The following ATF2 variants were observed in gnomAD, a reference collection of about 807,000 sequenced individuals.
The protein encoded by ATF2 is activating transcription factor 2, also known as cyclic AMP-dependent transcription factor ATF-2.
ATF2 carries 24 observed loss-of-function variants against 60.6 expected under a neutral mutation model. That is an observed-to-expected ratio of 0.40 (90% CI 0.29 to 0.56). ATF2 has a LOEUF of 0.56. Among genes scored for constraint, ATF2 ranks in the 20% least tolerant of loss-of-function variants. The pLI is 0.54. For synonymous variants in ATF2, 206 were observed against 215.4 expected, an observed-to-expected ratio of 0.96 and a Z score of 0.38; for missense variants, 433 against 607.7, an observed-to-expected ratio of 0.71 and a Z score of 3.02.
At chr2:175,104,324 T>C (rs1695497063) in intron 10 of ATF2, among the ~76,000 whole-genome samples, 2 of 152,158 alleles carry the variant, frequency 1.3e-5, no homozygotes, top group Admixed American at 6.5e-5. Flanking sequence ...ATTGTGATCA[T>C]AAAGGTCTAA....
At chr2:175,087,812 A>G (rs1694271224) in intron 12 of ATF2, among the ~76,000 whole-genome samples, 1 of 152,198 alleles carries the variant, frequency 6.6e-6, no homozygotes, top group African/African-American at 2.4e-5. Context: ...TTTAACAGAA[A>G]AAAAGACAAG....
chr2:175,147,696 C>T lies in ATF2; in HGVS notation c.-44+3364G>A, dbSNP rs138884558. Among the ~76,000 whole-genome samples, 1,290 of 152,168 alleles carry T rather than the reference C, an allele frequency of 8.5e-3. 9 individuals carry two copies. Among genetic ancestry groups the T allele is most frequent in the Non-Finnish European group, 0.013 (898 of 67,988 alleles). ...TGTTACCATGGTTTTTATGAAAATACATAAACATTTTTTTAAAAAGAATAA... is the reference window on the plus strand; with the variant it reads ...TGTTACCATGGTTTTTATGAAAATATATAAACATTTTTTTAAAAAGAATAA... On this transcript the variant is annotated intron_variant, in intron 2 of 13. Coordinates refer to ENST00000264110, the MANE Select transcript of ATF2 (RefSeq NM_001880.4).
Position 175,127,477 on chromosome 2 carries a change from C to T in ATF2, c.102+2661G>A, listed in dbSNP as rs10188572. On this transcript the variant is annotated intron_variant, in intron 4 of 13. Coordinates refer to ENST00000264110, the MANE Select transcript of ATF2 (RefSeq NM_001880.4). Reference sequence around the variant, plus strand: ...TAATTCAAACCACCATCATCTCTCACCTGGACTGCTGTCAGCCTCTTGTCT... The same window carrying T: ...TAATTCAAACCACCATCATCTCTCATCTGGACTGCTGTCAGCCTCTTGTCT... 1.3e-3 allele frequency among the ~76,000 whole-genome samples: 192 copies of T among 152,292 alleles called. 2 individuals carry two copies. The highest frequency in any genetic ancestry group is 4.0e-3 in the African/African-American group (165 of 41,566).
At chr2:175,082,131 A>T (rs920624635) in intron 12 of ATF2, among the ~76,000 whole-genome samples, 1 of 152,200 alleles carries the variant, frequency 6.6e-6, no homozygotes, top group African/African-American at 2.4e-5. Flanking sequence ...TAAAAATTAA[A>T]TAATAAAAGT....
intron 10 of ATF2, among the ~76,000 whole-genome samples, chr2:175,109,058 T>C (rs1037857921): frequency 6.7e-6 from 1 of 149,946 alleles, no homozygotes; most frequent in Admixed American, 6.8e-5. Flanking sequence ...GTCCTCTGCA[T>C]AGGAAAACCA....
chr2:175,088,594 G>C (rs971548440), intron 12 of ATF2, among the ~76,000 whole-genome samples: 6 of 151,572 alleles, frequency 4.0e-5, no homozygotes, highest in Admixed American at 6.6e-5. Flanking sequence ...GCCATTAAAA[G>C]TATGTTTTGC....
chr2:175,109,547 A>G (rs1183244075), intron 10 of ATF2, among the ~76,000 whole-genome samples: 4 of 152,242 alleles, frequency 2.6e-5, no homozygotes, highest in Non-Finnish European at 5.9e-5. Context: ...AAAGTTTAAC[A>G]GTTTCTAAAA....
chr2:175,114,591 A>C, intron 8 of ATF2, 99 bp downstream of exon 8: 1 of 1,515,572 alleles, frequency 6.6e-7, no homozygotes. Context: ...CACATACAAA[A>C]CTAAGATCTT....
chr2:175,080,191 C>T (rs1032669746), intron 13 of ATF2: 1 of 152,228 alleles, frequency 6.6e-6, no homozygotes, highest in Middle Eastern at 3.4e-3. Context: ...AAAAACGTTA[C>T]ACAATGCTGA....
At chr2:175,161,019 C>T (rs1699996537) in intron 1 of ATF2, among the ~76,000 whole-genome samples, 1 of 152,096 alleles carries the variant, frequency 6.6e-6, no homozygotes, top group South Asian at 2.1e-4. Context: ...ACCTGCATGA[C>T]AGAGTAAGAC....
At chr2:175,141,051 A>G (rs1301282936) in intron 2 of ATF2, among the ~76,000 whole-genome samples, 3 of 123,672 alleles carry the variant, frequency 2.4e-5, no homozygotes, top group Admixed American at 8.7e-5. Context: ...ATATATATAT[A>G]TGTATATATA....
intron 10 of ATF2, among the ~76,000 whole-genome samples, chr2:175,103,648 A>T (rs1695453405): frequency 6.6e-6 from 1 of 151,754 alleles, no homozygotes. Context: ...CACTGTGTGC[A>T]AAGATATTTC....
At position 175,114,823 on chromosome 2, in the gene ATF2, G is replaced by C; in HGVS notation, c.493C>G (p.Arg165Gly). Residue 165 changes from arginine (R) to glycine (G), a missense_variant, in exon 8 of 14, where the codon CGT (arginine) becomes GGT (glycine). Physicochemically the swap from Arg to Gly is moderately radical, Grantham distance 125. Coordinates refer to ENST00000264110, the MANE Select transcript of ATF2 (RefSeq NM_001880.4). ...QTAQPTSAIV[R>G]PASLQVPNVL... ...TTGGGAACCTGTAATGATGCTGGAC[G>C]AACAATAGCTGATGTGGGCTGTGCA... 1.2e-6 allele frequency: 2 copies of C among 1,613,874 alleles called. No individual in the cohort carries two copies. Among genetic ancestry groups the C allele is most frequent in the Non-Finnish European group, 1.7e-6 (2 of 1,179,860 alleles).
At chr2:175,089,327 A>G (rs1452884856) in intron 12 of ATF2, among the ~76,000 whole-genome samples, 1 of 152,218 alleles carries the variant, frequency 6.6e-6, no homozygotes, top group Non-Finnish European at 1.5e-5. Flanking sequence ...GAATGCGGCA[A>G]TAAGGTTGAA....
At chr2:175,144,827 AGTGGCACTAGTCCAGCACAGG>A (rs1308909202) in intron 2 of ATF2, among the ~76,000 whole-genome samples, 1 of 152,208 alleles carries the variant, frequency 6.6e-6, no homozygotes, top group Non-Finnish European at 1.5e-5. Flanking sequence ...AAAGGATAGG[AGTGGCACTAGTCCAGCACAGG>A]GTGTCAGGAC....
At chr2:175,121,334 T>G (rs1338071993) in intron 5 of ATF2, 110 bp downstream of exon 5, 2 of 567,922 alleles carry the variant, frequency 3.5e-6, no homozygotes, top group Non-Finnish European at 5.7e-6. Context: ...TTTACTATAA[T>G]GAAGTCATTG....
At chr2:175,074,879 A>G in intron 13 of ATF2, 44 bp from the exon 14 acceptor site, 15 of 1,606,034 alleles carry the variant, frequency 9.3e-6, no homozygotes, top group Non-Finnish European at 1.3e-5. Flanking sequence ...TAAAATCGGT[A>G]AGAATGCACC....
intron 1 of ATF2, among the ~76,000 whole-genome samples, chr2:175,159,302 G>C (rs1474034368): frequency 2.0e-5 from 3 of 150,912 alleles, no homozygotes; most frequent in South Asian, 4.2e-4. Context: ...CTGCGCGACA[G>C]AGCAAGACTC....
chr2:175,109,092 G>C lies in ATF2; in HGVS notation c.828+2476C>G, dbSNP rs373159310. On this transcript the variant is annotated intron_variant, in intron 10 of 13. Coordinates refer to ENST00000264110, the MANE Select transcript of ATF2 (RefSeq NM_001880.4). ...CAGAGACCTTTGTTCACTTGTTTATGTGCTGACCTTCCCTCCACTATTGTC... is the reference window on the plus strand; with the variant it reads ...CAGAGACCTTTGTTCACTTGTTTATCTGCTGACCTTCCCTCCACTATTGTC... Among the ~76,000 whole-genome samples, 10 of 142,184 alleles carry C rather than the reference G, an allele frequency of 7.0e-5. No homozygotes were observed. The South Asian group carries it at 1.8e-3, about 26-fold the overall frequency. The allele number at this position is 142,184 out of a possible 152,430, so 93.3% of individuals were successfully genotyped here.
Sources: gnomAD v4.1 joint callset for allele counts (sites outside exome capture counted in the v4.1 genomes callset) on GRCh38, gnomAD v4.1.1 for gene constraint, MANE v1.5 for transcripts, NCBI Gene and HGNC (gene_info 2026-07-23, HGNC 2026-07-21) for gene names.